BAZ2A: variants seen among roughly 807,000 people sequenced by gnomAD.
BAZ2A encodes bromodomain adjacent to zinc finger domain 2A, also known as bromodomain adjacent to zinc finger domain protein 2A.
Under a neutral mutation model 199.9 loss-of-function variants are expected in BAZ2A, and 34 were observed. That is an observed-to-expected ratio of 0.17 (90% CI 0.13 to 0.23). BAZ2A has a LOEUF of 0.23. BAZ2A is among the 10% of genes least tolerant of loss of function. The probability of loss-of-function intolerance (pLI) is 1.00; values close to 1 mark genes in which losing one functional copy is unlikely to be tolerated. For synonymous variants in BAZ2A, 857 were observed against 883.9 expected (o/e 0.97, Z 0.54); for missense variants, 2,002 against 2,391.1 (o/e 0.84, Z 3.39).
At chr12:56,634,478 A>G (rs1395504901), upstream of BAZ2A, among the ~76,000 whole-genome samples, 1 of 152,158 alleles carries the variant, frequency 6.6e-6, no homozygotes, top group Non-Finnish European at 1.5e-5. Context: ...TTTAGATGGG[A>G]CTTAGCTGAA....
In BAZ2A at chr12:56,615,572, T is replaced by C. The variant is rs1950690447; in HGVS notation, c.172A>G (p.Thr58Ala). ...NGDVNVNGLSTVSHTTTSGIL... is the reference protein window; with the variant it reads ...NGDVNVNGLSAVSHTTTSGIL... ...CCTGAAGTAGTAGTGTGAGATACAGTAGATAAGCCATTAACATTCACATCC... is the reference window on the plus strand; with the variant it reads ...CCTGAAGTAGTAGTGTGAGATACAGCAGATAAGCCATTAACATTCACATCC... The change falls in exon 3 of 29, where the codon ACT becomes GCT. Residue 58 changes from threonine to alanine, a missense_variant. This residue lies in a region of BAZ2A where 641 missense variants were observed against 694.5 expected (regional missense o/e 0.92). Transcript: ENST00000549884. The C allele has an allele frequency of 6.2e-7, 1 of 1,608,982 alleles. No individual in the cohort carries two copies. The highest frequency in any genetic ancestry group is 1.1e-5 in the South Asian group (1 of 90,924).
At chr12:56,613,738 G>C (rs1555209572) in intron 4 of BAZ2A, among the ~76,000 whole-genome samples, 1 of 152,164 alleles carries the variant, frequency 6.6e-6, no homozygotes. Flanking sequence ...TGGCCAAAAG[G>C]AATACTGGGA....
intron 7 of BAZ2A, 86 bp from the exon 8 acceptor site, chr12:56,610,603 T>G: frequency 1.7e-6 from 2 of 1,156,570 alleles, no homozygotes; most frequent in Non-Finnish European, 2.5e-6. Context: ...TCTGAGCAGA[T>G]GGCCCTCCCC....
At chr12:56,626,195 T>C (rs1174716686) in intron 1 of BAZ2A, among the ~76,000 whole-genome samples, 1 of 152,182 alleles carries the variant, frequency 6.6e-6, no homozygotes, top group Non-Finnish European at 1.5e-5. Flanking sequence ...ACTATTCATC[T>C]TGGGCTATAT....
rs777378914 is a variant in BAZ2A at position 56,600,099 on chromosome 12, G to A, written c.4893-3C>T. The A allele has an allele frequency of 6.2e-7, 1 of 1,613,974 alleles. No homozygotes were observed. Among genetic ancestry groups the A allele is most frequent in the Non-Finnish European group, 8.5e-7 (1 of 1,179,816 alleles). On this transcript the variant is annotated splice_region_variant and splice_polypyrimidine_tract_variant and intron_variant, in intron 24 of 28. Coordinates refer to ENST00000549884, the MANE Select transcript of BAZ2A (RefSeq NM_001300905.2). ...TGCGAGGGGTGATCTCATATGATCT[G>A]GAGGGAGAAAGTGGTGATCTTTGGA...
Position 56,601,279 on chromosome 12 carries a change from G to A in BAZ2A, c.4195C>T (p.Leu1399=), listed in dbSNP as rs781344230. The change falls in exon 21 of 29, where the codon CTG becomes TTG. Residue 1399 remains leucine (L), a synonymous_variant. Coordinates refer to ENST00000549884, the MANE Select transcript of BAZ2A (RefSeq NM_001300905.2). The part of the protein sequence containing the change: ...PGEMPQSPTG[L]GQPKRRGRPP... Reference sequence around the variant, plus strand: ...CTCCCTCTCCGTTTGGGCTGTCCCAGCCCTGTGGGACTCTGTGGCATTTCT... The same window carrying A: ...CTCCCTCTCCGTTTGGGCTGTCCCAACCCTGTGGGACTCTGTGGCATTTCT... 8 of 1,613,946 alleles carry A rather than the reference G, an allele frequency of 5.0e-6. No individual in the cohort carries two copies. The highest frequency in any genetic ancestry group is 5.1e-6 in the Non-Finnish European group (6 of 1,179,922).
rs780882400 is a variant in BAZ2A at position 56,603,340 on chromosome 12, G to C, written c.3279+19C>G. 3.1e-6 allele frequency: 5 copies of C among 1,612,466 alleles called. No homozygotes were observed. Among genetic ancestry groups the C allele is most frequent in the Non-Finnish European group, 4.2e-6 (5 of 1,178,796 alleles). The stretch of plus-strand genomic sequence containing the variant: ...CCCAGCCCATATCTCCAACTCTTGG[G>C]AGGTTAGAAGCACAATACCTTGCTG... On this transcript the variant is annotated intron_variant, in intron 18 of 28. Coordinates refer to ENST00000549884, the MANE Select transcript of BAZ2A (RefSeq NM_001300905.2).
intron 1 of BAZ2A, among the ~76,000 whole-genome samples, chr12:56,627,948 G>C (rs1175909682): frequency 1.3e-5 from 2 of 151,586 alleles, no homozygotes; most frequent in African/African-American, 2.4e-5. Flanking sequence ...TTGGGAGGCC[G>C]AGGTGGGTAG....
chr12:56,602,604 T>C, intron 19 of BAZ2A, 109 bp downstream of exon 19: 1 of 1,402,980 alleles, frequency 7.1e-7, no homozygotes, highest in Non-Finnish European at 9.6e-7. Context: ...TCTTAACCAT[T>C]ACGCTATATT....
At position 56,612,097 on chromosome 12, in the gene BAZ2A, G is replaced by T. The variant is rs752946379; in HGVS notation, c.1285C>A (p.Pro429Thr). The part of the protein sequence containing the change: ...LHPATSPAVS[P>T]TTSPAVSLVV... ...AGGGAGACTGCTGGGGAGGTTGTTG[G>T]CGAGACTGCTGGTGAGGTTGCTGGA... is the stretch of plus-strand genomic sequence containing the variant. Residue 429 changes from proline to threonine, a missense_variant, in exon 6 of 29, where the codon CCA becomes ACA. This residue lies in a region of BAZ2A where 641 missense variants were observed against 694.5 expected (regional missense o/e 0.92). Coordinates refer to ENST00000549884, the MANE Select transcript of BAZ2A (RefSeq NM_001300905.2). The T allele has an allele frequency of 2.1e-5, 34 of 1,613,676 alleles. 1 individual carries two copies. The highest frequency in any genetic ancestry group is 6.7e-5 in the Admixed American group (4 of 59,958).
intron 1 of BAZ2A, among the ~76,000 whole-genome samples, chr12:56,621,684 G>A (rs1950925080): frequency 6.7e-6 from 1 of 150,190 alleles, no homozygotes; most frequent in South Asian, 2.1e-4. Flanking sequence ...CTCCATAAAC[G>A]TTAGTTTTTT....
chr12:56,614,829 C>T (rs902209823), intron 3 of BAZ2A, 185 bp downstream of exon 3: 13 of 675,856 alleles, frequency 1.9e-5, no homozygotes, highest in Admixed American at 8.3e-5. Context: ...CACTCCCACT[C>T]GCGAGCTGGT....
chr12:56,607,573 G>A (rs151096140), intron 10 of BAZ2A, among the ~76,000 whole-genome samples: 48 of 152,210 alleles, frequency 3.2e-4, no homozygotes, highest in African/African-American at 9.6e-4. Context: ...GAGTTTCACC[G>A]TTTTAGCCAT....
intron 1 of BAZ2A, among the ~76,000 whole-genome samples, chr12:56,620,045 AT>A (rs1950863371): frequency 6.6e-6 from 1 of 152,164 alleles, no homozygotes; most frequent in South Asian, 2.1e-4. Flanking sequence ...CTTATCTCCC[AT>A]ATAGGATATC....
At chr12:56,634,957 C>G (rs542781385), upstream of BAZ2A, 1 of 985,030 alleles carries the variant, frequency 1.0e-6, no homozygotes, top group South Asian at 4.7e-5. Flanking sequence ...GGAGCAGGGC[C>G]GGGCCGCAGG....
Position 56,615,138 on chromosome 12 carries a change from T to C in BAZ2A, c.606A>G (p.Ala202=). 6.2e-7 allele frequency: 1 copy of C among 1,613,362 alleles called. No individual in the cohort carries two copies. Among genetic ancestry groups the C allele is most frequent in the South Asian group, 1.1e-5 (1 of 90,968 alleles). The change falls in exon 3 of 29, where the codon GCA becomes GCG. Residue 202 remains alanine, a synonymous_variant. Coordinates refer to ENST00000549884, the MANE Select transcript of BAZ2A (RefSeq NM_001300905.2). ...PMLGSSIQTF[A]PSQEVGSGIH... Reference sequence around the variant, plus strand: ...TACCACTGCCTACCTCCTGGGAGGGTGCAAAGGTTTGAATGCTAGATCCCA... The same window carrying C: ...TACCACTGCCTACCTCCTGGGAGGGCGCAAAGGTTTGAATGCTAGATCCCA...
At chr12:56,611,074 G>C (rs1451421770) in intron 7 of BAZ2A, among the ~76,000 whole-genome samples, 1 of 152,172 alleles carries the variant, frequency 6.6e-6, no homozygotes, top group Non-Finnish European at 1.5e-5. Context: ...AAGTAGCCTT[G>C]AGGGGCAGGG....
upstream of BAZ2A, chr12:56,630,885 G>A: frequency 1.0e-6 from 1 of 984,330 alleles, no homozygotes; most frequent in South Asian, 4.7e-5. Flanking sequence ...GGGGAAAGAA[G>A]GTTCGGCTCT....
intron 10 of BAZ2A, among the ~76,000 whole-genome samples, chr12:56,608,362 A>T (rs1950433878): frequency 6.7e-6 from 1 of 148,840 alleles, no homozygotes; most frequent in Admixed American, 6.7e-5. Context: ...ACAGAGTAAG[A>T]CTCTGTCTCA....
Sources: gnomAD v4.1 joint callset for allele counts (sites outside exome capture counted in the v4.1 genomes callset) on GRCh38, gnomAD v4.1.1 for gene constraint, gnomAD v4.1.1 regional missense constraint, MANE v1.5 for transcripts, NCBI Gene and HGNC (gene_info 2026-07-23, HGNC 2026-07-21) for gene names.